TDG: variants seen among roughly 807,000 people sequenced by gnomAD.
The protein encoded by TDG is thymine DNA glycosylase.
A neutral mutation model predicts 46.1 loss-of-function variants in TDG; 23 were observed. The observed-to-expected ratio is 0.50, with a 90% CI of 0.36 to 0.71. The LOEUF is 0.71. TDG is among the 30% of genes least tolerant of loss of function. The pLI, the probability that TDG is intolerant of heterozygous loss-of-function variation, is 0.00. For missense variants in TDG, 304 were observed against 486.7 expected (o/e 0.62, Z 3.53); for synonymous variants, 115 against 161.3 (o/e 0.71, Z 2.18).
At chr12:103,967,934 T>C (rs1054867527) in intron 1 of TDG, 2 of 152,142 alleles carry the variant, frequency 1.3e-5, no homozygotes, top group Admixed American at 1.3e-4. Flanking sequence ...GTTTAAGCGA[T>C]TCTCATGCCT....
At chr12:103,966,152 A>G (rs543865904) in intron 1 of TDG, 92 bp downstream of exon 1, 33 of 1,386,942 alleles carry the variant, frequency 2.4e-5, no homozygotes, top group Admixed American at 9.7e-5. Flanking sequence ...GGTCTTTTAA[A>G]TCCCGGCCGG....
At chr12:103,980,289 A>G (rs568524251) in intron 3 of TDG, 47 of 577,974 alleles carry the variant, frequency 8.1e-5, no homozygotes, top group Middle Eastern at 4.8e-4. Context: ...TGTCACAAGT[A>G]TAATCTTGGA....
At chr12:103,979,227 C>T (rs771798316) in intron 2 of TDG, among the ~76,000 whole-genome samples, 8 of 150,892 alleles carry the variant, frequency 5.3e-5, no homozygotes, top group African/African-American at 1.9e-4. Flanking sequence ...CTCAGCTTCC[C>T]GAGTAGTTGG....
intron 1 of TDG, 140 bp downstream of exon 1, chr12:103,966,200 T>G (rs1871009486): frequency 8.3e-7 from 1 of 1,206,124 alleles, no homozygotes; most frequent in Non-Finnish European, 1.1e-6. Context: ...CACTGTGGCC[T>G]GGTCGGCCTT....
chr12:103,985,797 T>C (rs1028140153), intron 9 of TDG, 69 bp downstream of exon 9: 4 of 1,383,616 alleles, frequency 2.9e-6, no homozygotes, highest in Non-Finnish European at 3.8e-6. Flanking sequence ...AAAATTTTAA[T>C]AGAAGGAGAG....
At chr12:103,985,554 A>C (rs764243444) in intron 8 of TDG, 49 bp from the exon 9 acceptor site, 1 of 1,557,362 alleles carries the variant, frequency 6.4e-7, no homozygotes, top group Non-Finnish European at 8.7e-7. Context: ...AGCTACTTTT[A>C]AAATTGTTGT....
At position 103,983,112 on chromosome 12, in the gene TDG, G is replaced by T. The variant is rs1566183077; in HGVS notation, c.615-24G>T. Reference sequence around the variant, plus strand: ...TAAATATTGTCATATTTATATTTTTGACTACTTTTTAATTCAATTTTAGTA... The same window carrying T: ...TAAATATTGTCATATTTATATTTTTTACTACTTTTTAATTCAATTTTAGTA... On this transcript the variant is annotated intron_variant, in intron 5 of 9. Coordinates refer to ENST00000392872, the MANE Select transcript of TDG (RefSeq NM_003211.6). 5.1e-6 allele frequency: 8 copies of T among 1,559,078 alleles called. No homozygotes were observed. The South Asian group carries it at 8.5e-5, about 16-fold the overall frequency.
In TDG at chr12:103,979,812, G is replaced by A. The variant is rs774899028; in HGVS notation, c.167-19G>A. 6.5e-6 allele frequency: 10 copies of A among 1,543,910 alleles called. No homozygotes were observed. The highest frequency in any genetic ancestry group is 8.7e-6 in the Non-Finnish European group (10 of 1,153,818). On this transcript the variant is annotated intron_variant, in intron 2 of 9. Coordinates refer to ENST00000392872, the MANE Select transcript of TDG (RefSeq NM_003211.6). ...TAAGTTAAGATTTTCTGCATTTCTGGAAATTATTTGTATTTCAGAGGCTCC... is the reference window on the plus strand; with the variant it reads ...TAAGTTAAGATTTTCTGCATTTCTGAAAATTATTTGTATTTCAGAGGCTCC...
chr12:103,979,390 C>T (rs1871705280), intron 2 of TDG, among the ~76,000 whole-genome samples: 1 of 152,100 alleles, frequency 6.6e-6, no homozygotes, highest in Admixed American at 6.6e-5. Context: ...AGACATGAGC[C>T]ACCATACCTG....
chr12:103,985,756 T>C, intron 9 of TDG, 28 bp downstream of exon 9: 2 of 1,425,100 alleles, frequency 1.4e-6, no homozygotes, highest in South Asian at 3.4e-5. Flanking sequence ...TGTGTATTCC[T>C]TTCAAAGACG....
chr12:103,971,520 C>T (rs1437735904), intron 1 of TDG, among the ~76,000 whole-genome samples: 1 of 152,170 alleles, frequency 6.6e-6, no homozygotes, highest in Non-Finnish European at 1.5e-5. Context: ...CATGCCATTG[C>T]ACTCCAGCCT....
rs767596376 is a variant in TDG, at chr12:103,965,999, C to T, written c.-39C>T. ...ACTACAGAGACCGGCTGCCCGTGTG[C>T]CCGGCAGGTGGAGCCGCCCGCATCA... On this transcript the variant is annotated 5_prime_UTR_variant, in exon 1 of 10. Coordinates refer to ENST00000392872, the MANE Select transcript of TDG (RefSeq NM_003211.6). 4.4e-6 allele frequency: 7 copies of T among 1,588,352 alleles called. No homozygotes were observed. The South Asian group carries it at 5.7e-5, about 13-fold the overall frequency.
rs373627513 is a variant in TDG at position 103,970,308 on chromosome 12, T to A, written c.23+4248T>A. 2.0e-5 allele frequency among the ~76,000 whole-genome samples: 3 copies of A among 152,052 alleles called. No individual in the cohort carries two copies. The South Asian group carries it at 6.2e-4, about 32-fold the overall frequency. ...GCCTGGGCAACATAGTGAAGCCCCA[T>A]CTCTACAAAAAATTTAAAATTTAGC... On this transcript the variant is annotated intron_variant, in intron 1 of 9. Coordinates refer to ENST00000392872, the MANE Select transcript of TDG (RefSeq NM_003211.6).
intron 1 of TDG, among the ~76,000 whole-genome samples, chr12:103,968,873 A>C (rs967671818): frequency 1.3e-5 from 2 of 152,268 alleles, no homozygotes; most frequent in African/African-American, 4.8e-5. Context: ...TGACGCCTGT[A>C]ATCCCAGCAC....
chr12:103,976,788 AC>A, intron 1 of TDG, 129 bp from the exon 2 acceptor site: 1 of 1,122,330 alleles, frequency 8.9e-7, no homozygotes, highest in Admixed American at 2.5e-5. Context: ...TCTGTAATCC[AC>A]TCTAAATAAA....
chr12:103,971,932 T>A (rs1307474860), intron 1 of TDG, among the ~76,000 whole-genome samples: 1 of 152,176 alleles, frequency 6.6e-6, no homozygotes, highest in African/African-American at 2.4e-5. Flanking sequence ...AATGACTAAA[T>A]GCTCTTTGTT....
At chr12:103,976,307 A>G (rs1871534723) in intron 1 of TDG, among the ~76,000 whole-genome samples, 1 of 151,954 alleles carries the variant, frequency 6.6e-6, no homozygotes. Flanking sequence ...TGGGAGGCTG[A>G]GGTGGGAGGA....
At chr12:103,980,353 G>GATA (rs1463077172) in intron 3 of TDG, 1 of 368,840 alleles carries the variant, frequency 2.7e-6, no homozygotes, top group Non-Finnish European at 4.9e-6. Context: ...AACCAGGGGT[G>GATA]ATAATACCAC....
At chr12:103,978,601 T>C (rs1319311225) in intron 2 of TDG, among the ~76,000 whole-genome samples, 2 of 152,170 alleles carry the variant, frequency 1.3e-5, no homozygotes, top group South Asian at 2.1e-4. Context: ...ACTGCCTGTA[T>C]CCTGCGAGGC....
Sources: gnomAD v4.1 joint callset for allele counts (sites outside exome capture counted in the v4.1 genomes callset) on GRCh38, gnomAD v4.1.1 for gene constraint, MANE v1.5 for transcripts, NCBI Gene and HGNC (gene_info 2026-07-23, HGNC 2026-07-21) for gene names.